The following CCDC97 variants were observed in gnomAD, a reference collection of about 807,000 sequenced individuals.
CCDC97 encodes the protein coiled-coil domain-containing protein 97.
CCDC97 carries 27 observed loss-of-function variants against 33.9 expected under a neutral mutation model. That is an observed-to-expected ratio of 0.80 (90% CI 0.59 to 1.10). CCDC97 has a LOEUF of 1.10. CCDC97 is among the 50% of genes least tolerant of loss of function. The probability of loss-of-function intolerance (pLI) is 0.00; values close to 1 mark genes in which losing one functional copy is unlikely to be tolerated. For missense variants in CCDC97, 422 were observed against 476.6 expected (o/e 0.89, Z 1.07); for synonymous variants, 217 against 194.0 (o/e 1.12, Z -0.99).
intron 1 of CCDC97, chr19:41,310,725 C>G: frequency 5.5e-6 from 6 of 1,093,160 alleles, no homozygotes; most frequent in Non-Finnish European, 6.7e-6. Context: ...CAAGCTGAGC[C>G]TTCCCTTGCT....
Position 41,320,648 on chromosome 19 carries a change from C to G in CCDC97, c.911+178C>G, listed in dbSNP as rs1385859736. 6 of 686,074 alleles carry G rather than the reference C, an allele frequency of 8.7e-6. No homozygotes were observed. The African/African-American group carries it at 1.1e-4, about 12-fold the overall frequency. The allele number at this position is 686,074 out of a possible 1,614,324, so 42.5% of individuals were successfully genotyped here. On this transcript the variant is annotated intron_variant, in intron 4 of 4. Transcript: ENST00000269967. ...AGAGGCTGGGTGACCTCGGACTAGC[C>G]TTGTCCATCTCAGACCCTCAGTCTC...
In CCDC97 at chr19:41,310,301, G is replaced by C. The variant is rs1728255516; in HGVS notation, c.-10G>C. On this transcript the variant is annotated 5_prime_UTR_variant, in exon 1 of 5. Coordinates refer to ENST00000269967, the MANE Select transcript of CCDC97 (RefSeq NM_052848.3). The stretch of plus-strand genomic sequence containing the variant: ...CCCGCCGGGCGGTTGAAAAGTCCGA[G>C]AGAATCAGGATGGAGGCCGTGGCGA... The C allele has an allele frequency of 1.2e-6, 2 of 1,600,372 alleles. No homozygotes were observed. Among genetic ancestry groups the C allele is most frequent in the Admixed American group, 1.7e-5 (1 of 58,098 alleles).
chr19:41,314,744 A>C (rs539335818), intron 1 of CCDC97, among the ~76,000 whole-genome samples: 3 of 152,248 alleles, frequency 2.0e-5, no homozygotes, highest in Non-Finnish European at 4.4e-5. Context: ...TTTACACTGT[A>C]ATCTCAGCAC....
At chr19:41,321,999 A>G (rs768835697) in intron 4 of CCDC97, among the ~76,000 whole-genome samples, 9 of 152,236 alleles carry the variant, frequency 5.9e-5, no homozygotes, top group Non-Finnish European at 1.0e-4. Context: ...CGTGGGGGCA[A>G]AATTACCCCC....
At chr19:41,311,564 C>A (rs891191249) in intron 1 of CCDC97, among the ~76,000 whole-genome samples, 1 of 152,246 alleles carries the variant, frequency 6.6e-6, no homozygotes, top group Non-Finnish European at 1.5e-5. Flanking sequence ...GAAACCCCAT[C>A]TCTACTAAAA....
At chr19:41,313,615 C>T (rs764537927) in intron 1 of CCDC97, among the ~76,000 whole-genome samples, 29 of 152,176 alleles carry the variant, frequency 1.9e-4, no homozygotes, top group South Asian at 6.2e-4. Flanking sequence ...TCTGTTTTCA[C>T]GTATTTCCTG....
At position 41,319,964 on chromosome 19, in the gene CCDC97, C is replaced by T. The variant is rs140494622; in HGVS notation, c.781+112C>T. ...CCCCAACCTGCAAAAGCCGACATTG[C>T]GTCCCTCCCCTGCCCAGCCTGACTC... On this transcript the variant is annotated intron_variant, in intron 3 of 4. Transcript: ENST00000269967. The T allele has an allele frequency of 2.7e-4, 168 of 621,246 alleles. 1 individual carries two copies. In the African/African-American group the frequency reaches 2.8e-3, roughly 10 times the overall value. 38.5% of individuals were successfully genotyped at this position (621,246 alleles called of 1,614,324 possible).
chr19:41,310,854 C>T lies in CCDC97; in HGVS notation c.46+498C>T, dbSNP rs1211453307. The T allele has an allele frequency of 4.0e-6, 4 of 988,762 alleles. No homozygotes were observed. The South Asian group carries it at 1.8e-4, about 45-fold the overall frequency. 61.2% of individuals were successfully genotyped at this position (988,762 alleles called of 1,614,324 possible). ...TCCCGTTTCCCCCAAAGTCCGAAATCCAGCCAGGCTCCTTTCAAAGTCCTT... is the reference window on the plus strand; with the variant it reads ...TCCCGTTTCCCCCAAAGTCCGAAATTCAGCCAGGCTCCTTTCAAAGTCCTT... On this transcript the variant is annotated intron_variant, in intron 1 of 4. Transcript: ENST00000269967.
intron 4 of CCDC97, among the ~76,000 whole-genome samples, chr19:41,321,175 T>C (rs2037821076): frequency 6.6e-6 from 1 of 152,234 alleles, no homozygotes; most frequent in Non-Finnish European, 1.5e-5. Flanking sequence ...GAATTGTGAT[T>C]GCCCCTGCCG....
At position 41,322,624 on chromosome 19, in the gene CCDC97, A is replaced by C; in HGVS notation, c.941A>C (p.Asn314Thr). 1 of 1,613,222 alleles carries C rather than the reference A, an allele frequency of 6.2e-7. No homozygotes were observed. Among genetic ancestry groups the C allele is most frequent in the South Asian group, 1.1e-5 (1 of 91,050 alleles). The change falls in exon 5 of 5, where the codon AAC becomes ACC. Residue 314 changes from asparagine to threonine, a missense_variant. Coordinates refer to ENST00000269967, the MANE Select transcript of CCDC97 (RefSeq NM_052848.3). ...GTAGACGACAACCCCGACTTCGACA[A>C]CCTCGACATCGTGGCACGGGATGAG... ...STVDDNPDFD[N>T]LDIVARDEEE... is the part of the protein sequence containing the mutation.
At chr19:41,318,623 G>T (rs1377508314) in intron 2 of CCDC97, among the ~76,000 whole-genome samples, 1 of 152,206 alleles carries the variant, frequency 6.6e-6, no homozygotes, top group Admixed American at 6.5e-5. Flanking sequence ...GCTAGGACCA[G>T]TGGAGGGGAG....
In CCDC97 at chr19:41,310,287, G is replaced by T; in HGVS notation, c.-24G>T. On this transcript the variant is annotated 5_prime_UTR_variant, in exon 1 of 5. Coordinates refer to ENST00000269967, the MANE Select transcript of CCDC97 (RefSeq NM_052848.3). ...GTTAGTGTGCGGGGCCCGCCGGGCG[G>T]TTGAAAAGTCCGAGAGAATCAGGAT... 1 of 1,592,074 alleles carries T rather than the reference G, an allele frequency of 6.3e-7. No individual in the cohort carries two copies. The highest frequency in any genetic ancestry group is 8.5e-7 in the Non-Finnish European group (1 of 1,169,590).
rs1375532595 is a variant in CCDC97 at position 41,324,182 on chromosome 19, A to G, written c.*1467A>G. 2.0e-5 allele frequency: 3 copies of G among 152,232 alleles called. No homozygotes were observed. The highest frequency in any genetic ancestry group is 4.4e-5 in the Non-Finnish European group (3 of 68,054). 9.4% of individuals were successfully genotyped at this position (152,232 alleles called of 1,614,324 possible). A position where few individuals can be genotyped will look rare whatever the true frequency, so the allele number is the denominator to read the frequency against. On this transcript the variant is annotated 3_prime_UTR_variant, in exon 5 of 5. Coordinates refer to ENST00000269967, the MANE Select transcript of CCDC97 (RefSeq NM_052848.3). ...AGACAAGATGCTCAGAGCGACTATT[A>G]AAGAACGAAAGCCTCTGCTACGGAG... is the stretch of plus-strand genomic sequence containing the variant.
At chr19:41,313,360 T>A (rs1351735566) in intron 1 of CCDC97, among the ~76,000 whole-genome samples, 1 of 152,154 alleles carries the variant, frequency 6.6e-6, no homozygotes, top group Admixed American at 6.5e-5. Flanking sequence ...AGTCGGACCA[T>A]TCCCCTGGAT....
chr19:41,320,042 A>G (rs1407199239), intron 3 of CCDC97, among the ~76,000 whole-genome samples, 190 bp downstream of exon 3: 1 of 151,914 alleles, frequency 6.6e-6, no homozygotes, highest in Non-Finnish European at 1.5e-5. Flanking sequence ...ACTCTGAGGC[A>G]CCAAATGAAC....
At position 41,322,867 on chromosome 19, in the gene CCDC97, C is replaced by T; in HGVS notation, c.*152C>T. ...CATCTCACTGGGTCTAGTCTCATCT[C>T]AGACAACCCCCACCCCCACTGTTTC... is the stretch of plus-strand genomic sequence containing the variant. On this transcript the variant is annotated 3_prime_UTR_variant, in exon 5 of 5. Transcript: ENST00000269967. 1 of 768,822 alleles carries T rather than the reference C, an allele frequency of 1.3e-6. No individual in the cohort carries two copies. The highest frequency in any genetic ancestry group is 2.0e-6 in the Non-Finnish European group (1 of 509,726). 47.6% of individuals were successfully genotyped at this position (768,822 alleles called of 1,614,324 possible).
At position 41,310,468 on chromosome 19, in the gene CCDC97, C is replaced by G. The variant is rs1440935233; in HGVS notation, c.46+112C>G. ...TCGTTTTAGGGGGACACCCACCCCC[C>G]TCAGCTTTACCGGTCCTCTTCACTA... On this transcript the variant is annotated intron_variant, in intron 1 of 4. Transcript: ENST00000269967. 4.0e-6 allele frequency: 6 copies of G among 1,514,882 alleles called. No individual in the cohort carries two copies. In the Admixed American group the frequency reaches 1.0e-4, roughly 25 times the overall value. The allele number at this position is 1,514,882 out of a possible 1,614,324, so 93.8% of individuals were successfully genotyped here. A position where few individuals can be genotyped will look rare whatever the true frequency, so the allele number is the denominator to read the frequency against.
intron 1 of CCDC97, among the ~76,000 whole-genome samples, chr19:41,311,625 C>T (rs532157070): frequency 2.6e-5 from 4 of 151,924 alleles, no homozygotes; most frequent in African/African-American, 4.8e-5. Context: ...CCCAGCTACT[C>T]GGGAGGCTGA....
intron 1 of CCDC97, chr19:41,310,723 G>C: frequency 9.1e-7 from 1 of 1,094,934 alleles, no homozygotes; most frequent in African/African-American, 1.6e-5. Flanking sequence ...ACCAAGCTGA[G>C]CCTTCCCTTG....
Sources: gnomAD v4.1 joint callset for allele counts (sites outside exome capture counted in the v4.1 genomes callset) on GRCh38, gnomAD v4.1.1 for gene constraint, MANE v1.5 for transcripts, NCBI Gene and HGNC (gene_info 2026-07-23, HGNC 2026-07-21) for gene names.